The following DOP1B variants were observed in gnomAD, a reference collection of about 807,000 sequenced individuals.
DOP1B encodes the protein protein DOP1B.
A neutral mutation model predicts 233.5 loss-of-function variants in DOP1B; 174 were observed. The observed-to-expected ratio is 0.75, with a 90% CI of 0.66 to 0.85. The LOEUF (loss-of-function observed/expected upper bound fraction) is 0.85, where lower values mean the gene tolerates loss of function less well. Ranked by LOEUF, DOP1B falls within the 40% of genes least tolerant of loss-of-function variation. The pLI is 0.00. For synonymous variants in DOP1B, 1,190 were observed against 1,185.6 expected (o/e 1.00, Z -0.08); for missense variants, 2,652 against 2,846.6 (o/e 0.93, Z 1.56).
At chr21:36,217,892 T>C (rs1268312262) in intron 9 of DOP1B, among the ~76,000 whole-genome samples, 1 of 152,218 alleles carries the variant, frequency 6.6e-6, no homozygotes, top group Non-Finnish European at 1.5e-5. Flanking sequence ...GAGATGTGTG[T>C]TTTATGTCAA....
At chr21:36,160,709 G>A (rs1172252002) in intron 1 of DOP1B, among the ~76,000 whole-genome samples, 7 of 152,092 alleles carry the variant, frequency 4.6e-5, no homozygotes, top group Non-Finnish European at 5.9e-5. Context: ...AACTCCTGAT[G>A]TCAGGTGATC....
At chr21:36,189,972 T>C (rs1479269998) in intron 2 of DOP1B, among the ~76,000 whole-genome samples, 2 of 139,188 alleles carry the variant, frequency 1.4e-5, no homozygotes, top group African/African-American at 2.8e-5. Flanking sequence ...ATCACACTAC[T>C]GCACTCCAAC....
intron 1 of DOP1B, among the ~76,000 whole-genome samples, chr21:36,160,597 C>T (rs1344178271): frequency 6.6e-6 from 1 of 151,816 alleles, no homozygotes; most frequent in Non-Finnish European, 1.5e-5. Flanking sequence ...CCTGCCTCAG[C>T]CTCCCGAGTA....
chr21:36,254,037 G>T, intron 23 of DOP1B, 128 bp downstream of exon 23: 1 of 1,238,214 alleles, frequency 8.1e-7, no homozygotes, highest in Non-Finnish European at 1.1e-6. Context: ...AATGCTTGGG[G>T]TAGTGAAGTG....
rs8132954 is a variant in DOP1B, at chr21:36,159,375, C to G, written c.-27+2432C>G. Among the ~76,000 whole-genome samples, 213 of 152,184 alleles carry G rather than the reference C, an allele frequency of 1.4e-3. 2 individuals are homozygous for G. Among genetic ancestry groups the G allele is most frequent in the Admixed American group, 7.7e-3 (118 of 15,276 alleles). ...CTGAGGCAGGAGAATCGCTTGAACT[C>G]AGGAGGCGGAGGTTGTGGTGAGTTG... On this transcript the variant is annotated intron_variant, in intron 1 of 36. Transcript: ENST00000691173.
At chr21:36,169,312 G>T (rs1369636564) in intron 2 of DOP1B, 2 of 780,814 alleles carry the variant, frequency 2.6e-6, no homozygotes, top group Non-Finnish European at 4.6e-6. Context: ...CAGTAAGGTA[G>T]CCCTGGTCAA....
rs369495001 is a variant in DOP1B, at chr21:36,194,487, CTT to C, written c.139-4567_139-4566del. Among the ~76,000 whole-genome samples, 588 of 81,264 alleles carry C rather than the reference CTT, an allele frequency of 7.2e-3. 1 individual carries two copies. Among genetic ancestry groups the C allele is most frequent in the Middle Eastern group, 0.015 (2 of 134 alleles). 53.3% of individuals were successfully genotyped at this position (81,264 alleles called of 152,430 possible). On this transcript the variant is annotated intron_variant, in intron 2 of 36. Transcript: ENST00000691173. ...TTTTGCTGCATTTCTCTCTCTCTCT[CTT>C]TTTTTTTTTTTTTTTGAGACAGAGT...
chr21:36,257,931 GTAGA>G (rs2067125339), intron 23 of DOP1B, among the ~76,000 whole-genome samples: 1 of 142,508 alleles, frequency 7.0e-6, no homozygotes, highest in South Asian at 2.4e-4. Context: ...AGGTACGTAG[GTAGA>G]TAGGGAGATA....
rs1362670864 is a variant in DOP1B at position 36,237,269 on chromosome 21, C to G, written c.2630C>G (p.Ala877Gly). The G allele has an allele frequency of 6.2e-7, 1 of 1,614,144 alleles. No individual in the cohort carries two copies. The highest frequency in any genetic ancestry group is 8.5e-7 in the Non-Finnish European group (1 of 1,180,028). Residue 877 changes from alanine (A) to glycine (G), a missense_variant, in exon 16 of 37, where the codon GCT becomes GGT. By Grantham distance (60) the Ala-to-Gly change is moderately conservative (BLOSUM62 0). Coordinates refer to ENST00000691173, the MANE Select transcript of DOP1B (RefSeq NM_001320714.2). ...AEKTDFYQRVARVLWNQLNKE... is the reference protein window; with the variant it reads ...AEKTDFYQRVGRVLWNQLNKE... ...GCCTTTTCCTTGTCCCAGAGGGTGG[C>G]TCGTGTGCTTTGGAATCAGCTGAAC...
chr21:36,216,621 A>C (rs184687292), intron 9 of DOP1B, among the ~76,000 whole-genome samples: 27 of 152,218 alleles, frequency 1.8e-4, no homozygotes, highest in Admixed American at 4.6e-4. Flanking sequence ...AAAAAAAAGA[A>C]ATTTGCTACC....
intron 17 of DOP1B, among the ~76,000 whole-genome samples, chr21:36,239,111 G>A (rs982292630): frequency 6.6e-6 from 1 of 152,096 alleles, no homozygotes; most frequent in Non-Finnish European, 1.5e-5. Flanking sequence ...CTCAAACAAA[G>A]AAAAGCTGAC....
At chr21:36,169,894 G>A in intron 2 of DOP1B, 1 of 790,040 alleles carries the variant, frequency 1.3e-6, no homozygotes. Context: ...GAGGCCTCAA[G>A]GGGTTTCCAC....
chr21:36,285,838 C>G (rs905339076), intron 32 of DOP1B, among the ~76,000 whole-genome samples: 10 of 151,724 alleles, frequency 6.6e-5, no homozygotes, highest in African/African-American at 2.2e-4. Flanking sequence ...GAAACCCCAC[C>G]TCTACTAAAA....
chr21:36,285,803 TCAAGA>T (rs2067475314), intron 32 of DOP1B, among the ~76,000 whole-genome samples: 1 of 151,878 alleles, frequency 6.6e-6, no homozygotes, highest in Non-Finnish European at 1.5e-5. Flanking sequence ...GGTCAGGAGT[TCAAGA>T]CCAACCTGGC....
chr21:36,229,939 A>G (rs1404648576), intron 13 of DOP1B, among the ~76,000 whole-genome samples: 5 of 152,188 alleles, frequency 3.3e-5, no homozygotes, highest in Non-Finnish European at 7.4e-5. Context: ...CTGGGATTAC[A>G]GGCATGAGCC....
Position 36,239,769 on chromosome 21 carries a change from T to C in DOP1B, c.2881T>C (p.Leu961=). 6.5e-7 allele frequency: 1 copy of C among 1,534,668 alleles called. No homozygotes were observed. Among genetic ancestry groups the C allele is most frequent in the Non-Finnish European group, 8.8e-7 (1 of 1,138,290 alleles). ...TSHNRSFDRS[L]FVVLDSLACT... is the part of the protein sequence containing the mutation. ...CTGGTGTGTTTCCCACTGCAGGTCC[T>C]TGTTTGTCGTGCTGGACAGCCTGGC... The change falls in exon 18 of 37, where the codon TTG becomes CTG. Residue 961 remains leucine, a synonymous_variant. Coordinates refer to ENST00000691173, the MANE Select transcript of DOP1B (RefSeq NM_001320714.2).
In DOP1B at chr21:36,208,699, CCTCT is replaced by C. The variant is rs1569021931; in HGVS notation, c.492-12_492-9del. ...GATGGGGCGAGCCCTTGAACCCTAT[CCTCT>C]CTCATCAACAGAACGGATGCTCTGC... On this transcript the variant is annotated splice_polypyrimidine_tract_variant and intron_variant, in intron 4 of 36. Transcript: ENST00000691173. The C allele has an allele frequency of 6.2e-7, 1 of 1,610,266 alleles. No individual in the cohort carries two copies. Among genetic ancestry groups the C allele is most frequent in the Admixed American group, 1.7e-5 (1 of 59,626 alleles).
chr21:36,284,146 C>T (rs536515534), intron 32 of DOP1B, among the ~76,000 whole-genome samples: 4 of 151,272 alleles, frequency 2.6e-5, no homozygotes, highest in African/African-American at 9.7e-5. Flanking sequence ...GATGGGGTTT[C>T]GCCATGTTGA....
At chr21:36,280,649 TAGG>T (rs1338889027) in intron 31 of DOP1B, among the ~76,000 whole-genome samples, 5 of 152,348 alleles carry the variant, frequency 3.3e-5, no homozygotes, top group South Asian at 4.1e-4. Context: ...TATAATTTAC[TAGG>T]AGGACTTTTC....
Sources: gnomAD v4.1 joint callset for allele counts (sites outside exome capture counted in the v4.1 genomes callset) on GRCh38, gnomAD v4.1.1 for gene constraint, MANE v1.5 for transcripts, NCBI Gene and HGNC (gene_info 2026-07-23, HGNC 2026-07-21) for gene names.